Variants in C13orf46 observed in about 807,000 individuals in gnomAD.
C13orf46 encodes chromosome 13 open reading frame 46, also known as uncharacterized protein C13orf46.
intron 1 of C13orf46, among the ~76,000 whole-genome samples, chr13:113,973,493 G>A (rs1029608687): frequency 6.6e-6 from 1 of 152,306 alleles, no homozygotes; most frequent in African/African-American, 2.4e-5. Flanking sequence ...CCCAAAGAAT[G>A]CAGCCCTGTG....
At chr13:113,939,741 G>A in the C13orf46 span, among the ~76,000 whole-genome samples, 4 of 152,314 alleles carry the variant, frequency 2.6e-5, no homozygotes, top group Non-Finnish European at 4.4e-5. Context: ...CCTCCTGTGC[G>A]CTGTGTATCC....
the C13orf46 span, among the ~76,000 whole-genome samples, chr13:113,948,273 C>T: frequency 6.6e-5 from 10 of 152,242 alleles, no homozygotes; most frequent in African/African-American, 1.9e-4. Context: ...CTGCCTGGCA[C>T]CTGCCTCCTG....
chr13:113,970,057 C>G (rs1180948360), intron 2 of C13orf46, 114 bp downstream of exon 2: 2 of 152,224 alleles, frequency 1.3e-5, no homozygotes, highest in African/African-American at 4.8e-5. Flanking sequence ...CTGTCCCCTT[C>G]TAAGTGTCTA....
At chr13:113,931,045 G>A in the C13orf46 span, among the ~76,000 whole-genome samples, 9 of 152,308 alleles carry the variant, frequency 5.9e-5, 1 homozygote, top group South Asian at 1.9e-3. Context: ...CGGGGTTCTT[G>A]TGTTCACGTG....
the C13orf46 span, among the ~76,000 whole-genome samples, chr13:113,932,314 C>T: frequency 6.6e-6 from 1 of 152,214 alleles, no homozygotes; most frequent in Non-Finnish European, 1.5e-5. Flanking sequence ...CCGAACCGTT[C>T]CCTGTGGTTC....
chr13:113,968,829 C>T (rs2052675834), intron 2 of C13orf46, 69 bp from the exon 3 acceptor site: 1 of 152,394 alleles, frequency 6.6e-6, no homozygotes, highest in South Asian at 2.1e-4. Flanking sequence ...CTGGTCTCCT[C>T]TGGGTCTGTC....
At chr13:113,971,026 G>GC (rs1211972159) in intron 1 of C13orf46, among the ~76,000 whole-genome samples, 4 of 152,194 alleles carry the variant, frequency 2.6e-5, no homozygotes, top group Admixed American at 1.3e-4. Flanking sequence ...TTGCAAACCA[G>GC]CACAGCCTTG....
chr13:113,944,281 A>G, the C13orf46 span, among the ~76,000 whole-genome samples: 1 of 152,084 alleles, frequency 6.6e-6, no homozygotes, highest in South Asian at 2.1e-4. Context: ...GGGTCACCTC[A>G]CTGCCGGGAC....
chr13:113,966,066 G>A (rs1320137983), intron 5 of C13orf46, among the ~76,000 whole-genome samples: 1 of 145,038 alleles, frequency 6.9e-6, no homozygotes, highest in Non-Finnish European at 1.6e-5. Context: ...TGATGGGAAT[G>A]ATGGTGGTGA....
At chr13:113,952,885 C>T (rs911305894), downstream of C13orf46, among the ~76,000 whole-genome samples, 6 of 152,242 alleles carry the variant, frequency 3.9e-5, no homozygotes, top group Non-Finnish European at 7.3e-5. Flanking sequence ...CTGGGCGGGG[C>T]GGCGGGGCAG....
At chr13:113,971,248 A>C (rs1475835785) in intron 1 of C13orf46, among the ~76,000 whole-genome samples, 1 of 152,154 alleles carries the variant, frequency 6.6e-6, no homozygotes, top group African/African-American at 2.4e-5. Context: ...GCTTTAAATG[A>C]TGCTTGTGAT....
At chr13:113,953,023 C>T (rs944029922), downstream of C13orf46, among the ~76,000 whole-genome samples, 30 of 152,368 alleles carry the variant, frequency 2.0e-4, no homozygotes, top group Admixed American at 1.9e-3. Flanking sequence ...GCCTCGTCCC[C>T]TCCACTAAGA....
chr13:113,931,302 GGCTCACTTTGCGGTT>G, the C13orf46 span, among the ~76,000 whole-genome samples: 651 of 152,340 alleles, frequency 4.3e-3, 9 homozygotes, highest in East Asian at 0.048. Flanking sequence ...ACGTCTGAGA[GGCTCACTTTGCGGTT>G]GCTTCTGTGG....
chr13:113,963,188 C>T (rs2052601370), intron 6 of C13orf46, among the ~76,000 whole-genome samples: 1 of 151,606 alleles, frequency 6.6e-6, no homozygotes, highest in African/African-American at 2.4e-5. Context: ...CTATCCTCAG[C>T]CTCAGCCCGT....
At chr13:113,948,637 C>T in the C13orf46 span, among the ~76,000 whole-genome samples, 16 of 152,138 alleles carry the variant, frequency 1.1e-4, no homozygotes, top group Admixed American at 2.6e-4. Flanking sequence ...CTCAGTGGAG[C>T]GCTGAACCTC....
At chr13:113,952,107 C>T (rs1236819173), downstream of C13orf46, among the ~76,000 whole-genome samples, 2 of 152,258 alleles carry the variant, frequency 1.3e-5, no homozygotes, top group Admixed American at 6.5e-5. Context: ...CCCACATCAC[C>T]TGCAGTGAAA....
chr13:113,952,489 T>C (rs1424629962), downstream of C13orf46, among the ~76,000 whole-genome samples: 1 of 152,054 alleles, frequency 6.6e-6, no homozygotes, highest in Non-Finnish European at 1.5e-5. Flanking sequence ...CTGGGCCATC[T>C]CCCCCAGCCT....
the C13orf46 span, among the ~76,000 whole-genome samples, chr13:113,945,615 AG>A: frequency 9.1e-6 from 1 of 109,394 alleles, no homozygotes; most frequent in Admixed American, 9.1e-5. Context: ...GAAGAAAGAA[AG>A]AAAGAAAGAA....
the C13orf46 span, among the ~76,000 whole-genome samples, chr13:113,931,813 A>AT: frequency 4.6e-5 from 7 of 151,924 alleles, no homozygotes; most frequent in African/African-American, 1.7e-4. Flanking sequence ...CTTTGTTTAG[A>AT]TTTTTTTGAC....
Sources: gnomAD v4.1 joint callset for allele counts (sites outside exome capture counted in the v4.1 genomes callset) on GRCh38, gnomAD v4.1.1 for gene constraint, MANE v1.5 for transcripts, NCBI Gene and HGNC (gene_info 2026-07-23, HGNC 2026-07-21) for gene names.